The following PPP2R5A variants were observed in gnomAD, a reference collection of about 807,000 sequenced individuals.
PPP2R5A encodes protein phosphatase 2 regulatory subunit B'alpha.
In PPP2R5A, 25 loss-of-function variants were observed where a neutral mutation model predicts 64.2. That is an observed-to-expected ratio of 0.39 (90% CI 0.28 to 0.54). The LOEUF (loss-of-function observed/expected upper bound fraction) is 0.54, where lower values mean the gene tolerates loss of function less well. Among genes scored for constraint, PPP2R5A ranks in the 20% least tolerant of loss-of-function variants. The pLI is 0.67. For missense variants in PPP2R5A, 425 were observed against 576.3 expected, an observed-to-expected ratio of 0.74 and a Z score of 2.69; for synonymous variants, 198 against 201.2, an observed-to-expected ratio of 0.98 and a Z score of 0.13.
At chr1:212,341,786 G>T (rs1407002777) in intron 3 of PPP2R5A, among the ~76,000 whole-genome samples, 1 of 152,046 alleles carries the variant, frequency 6.6e-6, no homozygotes, top group Non-Finnish European at 1.5e-5. Flanking sequence ...CCAGGCTGGA[G>T]TGCAGTGGTA....
At chr1:212,317,199 C>A (rs1659171753) in intron 1 of PPP2R5A, among the ~76,000 whole-genome samples, 2 of 152,000 alleles carry the variant, frequency 1.3e-5, no homozygotes, top group South Asian at 2.1e-4. Flanking sequence ...GCCTATGGGC[C>A]TATTTTTCTG....
chr1:212,356,116 AT>A lies in PPP2R5A; in HGVS notation c.928-509del, dbSNP rs534297356. On this transcript the variant is annotated intron_variant, in intron 8 of 12. Coordinates refer to ENST00000261461, the MANE Select transcript of PPP2R5A (RefSeq NM_006243.4). Reference sequence around the variant, plus strand: ...TCTTTTGTTTCATTGTATTCTGGTTATAAAGATTGTGCTAGCCATGAAATAG... The same window carrying A: ...TCTTTTGTTTCATTGTATTCTGGTTAAAAGATTGTGCTAGCCATGAAATAG... Among the ~76,000 whole-genome samples the A allele has an allele frequency of 1.9e-3, 283 of 152,246 alleles. 1 individual carries two copies. Among genetic ancestry groups the A allele is most frequent in the African/African-American group, 6.4e-3 (264 of 41,548 alleles).
At chr1:212,297,826 T>C (rs1425928562) in intron 1 of PPP2R5A, 1 of 39,420 alleles carries the variant, frequency 2.5e-5, no homozygotes, top group East Asian at 6.0e-4. Context: ...TTTTTTTTTC[T>C]TTTTTATTTT....
intron 6 of PPP2R5A, among the ~76,000 whole-genome samples, chr1:212,347,785 A>G (rs1421517858): frequency 6.6e-6 from 1 of 152,104 alleles, no homozygotes; most frequent in Non-Finnish European, 1.5e-5. Flanking sequence ...ACCTCAGGCA[A>G]TCCACCCCCT....
intron 8 of PPP2R5A, among the ~76,000 whole-genome samples, chr1:212,350,215 A>G (rs1183057792): frequency 1.3e-5 from 2 of 152,232 alleles, no homozygotes; most frequent in African/African-American, 2.4e-5. Flanking sequence ...TAATGGAACA[A>G]AAGACATTTT....
chr1:212,306,529 T>C (rs1382029321), intron 1 of PPP2R5A, among the ~76,000 whole-genome samples: 1 of 152,198 alleles, frequency 6.6e-6, no homozygotes, highest in African/African-American at 2.4e-5. Flanking sequence ...GTCAAACATT[T>C]ACCTATTTTT....
At chr1:212,305,035 AT>A (rs3070963) in intron 1 of PPP2R5A, among the ~76,000 whole-genome samples, 1,400 of 107,918 alleles carry the variant, frequency 0.013, 17 homozygotes, top group African/African-American at 0.045. Context: ...CCGGCCCCCA[AT>A]TTTTTTTTTT....
At chr1:212,292,811 G>A (rs182648307) in intron 1 of PPP2R5A, among the ~76,000 whole-genome samples, 4 of 152,070 alleles carry the variant, frequency 2.6e-5, no homozygotes, top group East Asian at 1.9e-4. Context: ...GTGATCCTCC[G>A]TCTTTGGCTT....
At chr1:212,306,324 A>T (rs538315831) in intron 1 of PPP2R5A, among the ~76,000 whole-genome samples, 1 of 145,416 alleles carries the variant, frequency 6.9e-6, no homozygotes, top group East Asian at 2.0e-4. Context: ...TAACAAAGGC[A>T]AGAAGGGAAA....
chr1:212,342,097 G>A (rs1659695513), intron 3 of PPP2R5A, 91 bp from the exon 4 acceptor site: 1 of 1,464,930 alleles, frequency 6.8e-7, no homozygotes, highest in Non-Finnish European at 9.1e-7. Flanking sequence ...CACTAAGTTG[G>A]TAAGAAAAGG....
intron 1 of PPP2R5A, among the ~76,000 whole-genome samples, chr1:212,320,181 A>G (rs1382329475): frequency 6.6e-6 from 1 of 151,952 alleles, no homozygotes; most frequent in Non-Finnish European, 1.5e-5. Flanking sequence ...CATCTGTTTA[A>G]CAAATCACAT....
At chr1:212,294,924 C>G (rs957300680) in intron 1 of PPP2R5A, among the ~76,000 whole-genome samples, 2 of 151,998 alleles carry the variant, frequency 1.3e-5, no homozygotes, top group African/African-American at 4.8e-5. Flanking sequence ...AGAGGTCCAC[C>G]CAAAAGACAA....
intron 2 of PPP2R5A, among the ~76,000 whole-genome samples, chr1:212,329,886 G>C (rs792434): frequency 0.84 from 126,860 of 151,590 alleles, 53,572 homozygotes; most frequent in African/African-American, 0.96. Flanking sequence ...CACGTTGATC[G>C]ACCTGCCGCG....
At chr1:212,357,490 T>C in intron 11 of PPP2R5A, 2 of 436,594 alleles carry the variant, frequency 4.6e-6, no homozygotes, top group Non-Finnish European at 7.4e-6. Flanking sequence ...GTGGTCTTAA[T>C]GTCAATTTAT....
intron 7 of PPP2R5A, 41 bp downstream of exon 7, chr1:212,348,538 C>T (rs376025272): frequency 2.2e-5 from 30 of 1,355,714 alleles, no homozygotes; most frequent in Non-Finnish European, 3.0e-5. Context: ...AATATTATTT[C>T]AAAGGCCAAT....
In PPP2R5A at chr1:212,316,330, A is replaced by T. The variant is rs116861469; in HGVS notation, c.182-12805A>T. Among the ~76,000 whole-genome samples the T allele has an allele frequency of 4.1e-4, 63 of 152,334 alleles. 1 individual carries two copies. The East Asian group carries it at 0.012, about 29-fold the overall frequency. On this transcript the variant is annotated intron_variant, in intron 1 of 12. Transcript: ENST00000261461. ...GTGACCGCATGAATGATAGGAAAGC[A>T]AAACAGCCTTATTGTTGATTTGGAG... is the stretch of plus-strand genomic sequence containing the variant.
chr1:212,329,041 T>G (rs1659454869), intron 1 of PPP2R5A, 94 bp from the exon 2 acceptor site: 2 of 957,412 alleles, frequency 2.1e-6, no homozygotes, highest in Non-Finnish European at 2.8e-6. Flanking sequence ...GGAAGAAGTT[T>G]TACATATGTG....
chr1:212,343,139 G>C (rs1659714696), intron 4 of PPP2R5A, among the ~76,000 whole-genome samples: 1 of 152,032 alleles, frequency 6.6e-6, no homozygotes, highest in South Asian at 2.1e-4. Context: ...TTCTAGTAGA[G>C]ACGGGGTTTC....
At chr1:212,349,613 A>C (rs1402552596) in intron 8 of PPP2R5A, among the ~76,000 whole-genome samples, 2 of 152,168 alleles carry the variant, frequency 1.3e-5, no homozygotes, top group African/African-American at 4.8e-5. Flanking sequence ...TACTCCCTTG[A>C]ATTTTGTTTT....
Sources: allele counts gnomAD v4.1 joint callset (sites outside exome capture counted in the v4.1 genomes callset), GRCh38; gene constraint gnomAD v4.1.1; transcripts MANE v1.5; gene names NCBI Gene and HGNC (gene_info 2026-07-23, HGNC 2026-07-21).